The following NOL4 variants were observed in gnomAD, a reference collection of about 807,000 sequenced individuals.
NOL4 encodes cancer/testis antigen 125.
NOL4 carries 17 observed loss-of-function variants against 75.9 expected under a neutral mutation model. That is an observed-to-expected ratio of 0.22 (90% CI 0.15 to 0.34). The LOEUF is 0.34. Among genes scored for constraint, NOL4 ranks in the 10% least tolerant of loss-of-function variants. The pLI, the probability that NOL4 is intolerant of heterozygous loss-of-function variation, is 1.00. For synonymous variants in NOL4, 292 were observed against 289.9 expected, an observed-to-expected ratio of 1.01 and a Z score of -0.07; for missense variants, 614 against 793.5, an observed-to-expected ratio of 0.77 and a Z score of 2.72.
chr18:34,023,217 T>A (rs1233006812), intron 5 of NOL4, among the ~76,000 whole-genome samples: 1 of 152,202 alleles, frequency 6.6e-6, no homozygotes, highest in Non-Finnish European at 1.5e-5. Context: ...GTTTTTGATG[T>A]CTTTATTTTA....
At chr18:33,992,480 G>C (rs1199476589) in intron 6 of NOL4, among the ~76,000 whole-genome samples, 2 of 151,926 alleles carry the variant, frequency 1.3e-5, no homozygotes, top group African/African-American at 4.8e-5. Context: ...CAGTAAATGA[G>C]GAAACATCTA....
intron 6 of NOL4, among the ~76,000 whole-genome samples, chr18:34,017,395 G>A (rs775735547): frequency 1.3e-5 from 2 of 151,928 alleles, no homozygotes; most frequent in Non-Finnish European, 2.9e-5. Flanking sequence ...ATGATGTTTT[G>A]TATACCTATC....
intron 1 of NOL4, among the ~76,000 whole-genome samples, chr18:34,200,666 T>C (rs981005432): frequency 1.3e-5 from 2 of 151,636 alleles, no homozygotes; most frequent in African/African-American, 4.8e-5. Flanking sequence ...TTACATACAA[T>C]ATCTCTCAAT....
intron 1 of NOL4, among the ~76,000 whole-genome samples, chr18:34,162,421 A>G (rs906310835): frequency 6.6e-6 from 1 of 152,246 alleles, no homozygotes; most frequent in Admixed American, 6.5e-5. Flanking sequence ...TACCAATCCC[A>G]CAGAAATACA....
At chr18:33,945,043 C>CA (rs1169046916) in intron 8 of NOL4, among the ~76,000 whole-genome samples, 4 of 151,650 alleles carry the variant, frequency 2.6e-5, no homozygotes, top group African/African-American at 9.7e-5. Flanking sequence ...ATTACATTAT[C>CA]AAAAAATAAA....
intron 1 of NOL4, among the ~76,000 whole-genome samples, chr18:34,167,532 TTAGATAGATAGATAGA>T (rs71159861): frequency 1.3e-5 from 2 of 149,990 alleles, no homozygotes; most frequent in South Asian, 4.2e-4. Context: ...CCTCAAATAA[TTAGATAGATAGATAGA>T]TAGATAGATA....
intron 6 of NOL4, among the ~76,000 whole-genome samples, chr18:34,016,240 T>C (rs2074685696): frequency 6.6e-6 from 1 of 152,104 alleles, no homozygotes; most frequent in African/African-American, 2.4e-5. Flanking sequence ...TGTCAGTTAT[T>C]TGATTCCAAC....
intron 5 of NOL4, among the ~76,000 whole-genome samples, chr18:34,027,514 A>G (rs2075405260): frequency 6.6e-6 from 1 of 152,226 alleles, no homozygotes; most frequent in South Asian, 2.1e-4. Context: ...TATGCCTTGA[A>G]GCCAGCATTA....
At chr18:34,155,375 A>G (rs1291368190) in intron 1 of NOL4, among the ~76,000 whole-genome samples, 1 of 152,036 alleles carries the variant, frequency 6.6e-6, no homozygotes, top group Non-Finnish European at 1.5e-5. Flanking sequence ...TTGATAAAAC[A>G]AGGCAGTCAA....
intron 1 of NOL4, among the ~76,000 whole-genome samples, chr18:34,149,162 G>A (rs930162161): frequency 1.3e-5 from 2 of 151,428 alleles, no homozygotes; most frequent in African/African-American, 2.4e-5. Context: ...ATAGCTTTGG[G>A]GATAGGATGC....
intron 1 of NOL4, among the ~76,000 whole-genome samples, chr18:34,175,286 A>G (rs113744457): frequency 8.0e-4 from 122 of 152,268 alleles, no homozygotes; most frequent in African/African-American, 2.9e-3. Context: ...TGTCGACCTG[A>G]CTTGGATTTC....
In NOL4 at chr18:33,863,593, CT is replaced by C. The variant is rs201183709; in HGVS notation, c.1724-10559del. Among the ~76,000 whole-genome samples, 1,403 of 152,264 alleles carry C rather than the reference CT, an allele frequency of 9.2e-3. 7 individuals carry two copies. Among genetic ancestry groups the C allele is most frequent in the Middle Eastern group, 0.037 (11 of 294 alleles). The stretch of plus-strand genomic sequence containing the variant: ...AAAGCTCTGAAATGATCTTCTTTGA[CT>C]CATGTCTCACATCCAGGGCATGCTG... On this transcript the variant is annotated intron_variant, in intron 10 of 10. Coordinates refer to ENST00000261592, the MANE Select transcript of NOL4 (RefSeq NM_003787.5).
At chr18:33,943,975 T>C (rs2068670241) in intron 8 of NOL4, among the ~76,000 whole-genome samples, 1 of 151,892 alleles carries the variant, frequency 6.6e-6, no homozygotes, top group Admixed American at 6.6e-5. Flanking sequence ...TCATTCTTTT[T>C]TCCATAATTA....
intron 6 of NOL4, among the ~76,000 whole-genome samples, chr18:34,017,568 A>T (rs2074773369): frequency 6.6e-6 from 1 of 152,148 alleles, no homozygotes; most frequent in Admixed American, 6.6e-5. Context: ...TGTCCTTCAT[A>T]GGTGCTAAGT....
intron 9 of NOL4, among the ~76,000 whole-genome samples, chr18:33,889,019 A>C (rs2064937549): frequency 6.6e-6 from 1 of 152,168 alleles, no homozygotes. Context: ...AACTAAGATC[A>C]GAGCAGAAAT....
At chr18:34,011,989 C>A (rs1016389585) in intron 6 of NOL4, among the ~76,000 whole-genome samples, 1 of 151,838 alleles carries the variant, frequency 6.6e-6, no homozygotes, top group African/African-American at 2.4e-5. Context: ...ATTATAGAAG[C>A]CCCTCACCTT....
chr18:33,982,808 T>C (rs2072082066), intron 6 of NOL4, among the ~76,000 whole-genome samples: 1 of 147,032 alleles, frequency 6.8e-6, no homozygotes. Context: ...TGGAGTGTAA[T>C]GGTGCGTTCT....
chr18:34,083,526 G>A (rs574862892), intron 5 of NOL4, among the ~76,000 whole-genome samples: 1 of 152,192 alleles, frequency 6.6e-6, no homozygotes, highest in East Asian at 1.9e-4. Flanking sequence ...GAACAAGAAA[G>A]AGAACCCTAA....
chr18:33,858,110 A>G (rs747070419), intron 10 of NOL4, among the ~76,000 whole-genome samples: 16 of 152,106 alleles, frequency 1.1e-4, no homozygotes, highest in Non-Finnish European at 1.9e-4. Context: ...TTGACTATTC[A>G]TATTAGCAAT....
Sources: gnomAD v4.1 joint callset for allele counts (sites outside exome capture counted in the v4.1 genomes callset) on GRCh38, gnomAD v4.1.1 for gene constraint, MANE v1.5 for transcripts, NCBI Gene and HGNC (gene_info 2026-07-23, HGNC 2026-07-21) for gene names.